The following PIK3R5 variants were observed in gnomAD, a reference collection of about 807,000 sequenced individuals.
The protein encoded by PIK3R5 is phosphoinositide-3-kinase regulatory subunit 5.
PIK3R5 carries 32 observed loss-of-function variants against 94.9 expected under a neutral mutation model. The observed-to-expected ratio is 0.34, with a 90% CI of 0.25 to 0.45. The LOEUF (loss-of-function observed/expected upper bound fraction) is 0.45. Among genes scored for constraint, PIK3R5 ranks in the 20% least tolerant of loss-of-function variants. The pLI is 1.00. For missense variants in PIK3R5, 853 were observed against 1,144.6 expected (o/e 0.75, Z 3.68); for synonymous variants, 443 against 479.4 (o/e 0.92, Z 0.99).
Position 8,909,079 on chromosome 17 carries a change from G to A in PIK3R5, c.199C>T (p.Arg67Ter), listed in dbSNP as rs2090464829. Residue 67 changes from arginine to a stop codon, truncating the protein, a stop_gained, in exon 3 of 19, where the codon CGA becomes TGA. Transcript: ENST00000447110. LOFTEE classifies it high-confidence loss of function. This position sits in a 1 kb window ranked among gnomAD's most constrained non-coding sequence, Gnocchi z 4.3. ...ILLEQILQKT[R>*]EVQEKGTYDL... The stretch of plus-strand genomic sequence containing the variant: ...AATTCCTGACTCCCCCTCACCTCTC[G>A]GGTCTTCTGCAGGATCTGCTCAAGG... 3 of 1,599,008 alleles carry A rather than the reference G, an allele frequency of 1.9e-6. No homozygotes were observed. Among genetic ancestry groups the A allele is most frequent in the Non-Finnish European group, 1.7e-6 (2 of 1,169,644 alleles).
chr17:8,946,761 C>G (rs1433933082), intron 1 of PIK3R5, among the ~76,000 whole-genome samples: 1 of 152,070 alleles, frequency 6.6e-6, no homozygotes, highest in Non-Finnish European at 1.5e-5. Flanking sequence ...GCCTCAGGAC[C>G]TTCGCGCCTG....
At position 8,884,927 on chromosome 17, in the gene PIK3R5, C is replaced by G; in HGVS notation, c.2129-144G>C. ...CCTAGGGATCTGTCTCACCAAGGCCCTGCCTCTCTCTCTGGCTCCACGTTC... is the reference window on the plus strand; with the variant it reads ...CCTAGGGATCTGTCTCACCAAGGCCGTGCCTCTCTCTCTGGCTCCACGTTC... On this transcript the variant is annotated intron_variant, in intron 14 of 18. Coordinates refer to ENST00000447110, the MANE Select transcript of PIK3R5 (RefSeq NM_001142633.3). The surrounding 1 kb of genome is among the most constrained non-coding windows in gnomAD (Gnocchi z 5.8). 1 of 663,584 alleles carries G rather than the reference C, an allele frequency of 1.5e-6. No individual in the cohort carries two copies. The highest frequency in any genetic ancestry group is 1.7e-5 in the South Asian group (1 of 58,662). The allele number at this position is 663,584 out of a possible 1,614,324, so 41.1% of individuals were successfully genotyped here.
At chr17:8,900,396 T>C (rs1405029570) in intron 5 of PIK3R5, among the ~76,000 whole-genome samples, 3 of 152,184 alleles carry the variant, frequency 2.0e-5, no homozygotes, top group Admixed American at 6.5e-5. Context: ...TTTACGTATG[T>C]GTGAGGTTTT....
At chr17:8,957,617 A>G (rs1185664437) in intron 1 of PIK3R5, among the ~76,000 whole-genome samples, 1 of 152,264 alleles carries the variant, frequency 6.6e-6, no homozygotes, top group Non-Finnish European at 1.5e-5. Flanking sequence ...GGATATGCCC[A>G]GTTCAGTGTG....
At chr17:8,931,270 A>C (rs542624838) in intron 1 of PIK3R5, among the ~76,000 whole-genome samples, 214 of 152,294 alleles carry the variant, frequency 1.4e-3, no homozygotes, top group Admixed American at 2.9e-3. Flanking sequence ...AAATAGATTT[A>C]TCTCATAAAA....
At chr17:8,948,337 C>A (rs2091316049) in intron 1 of PIK3R5, among the ~76,000 whole-genome samples, 1 of 152,090 alleles carries the variant, frequency 6.6e-6, no homozygotes, top group Non-Finnish European at 1.5e-5. Flanking sequence ...ATTTAGTCAG[C>A]AGAAAATATG....
chr17:8,946,271 A>G (rs1342554332), intron 1 of PIK3R5, among the ~76,000 whole-genome samples: 3 of 152,044 alleles, frequency 2.0e-5, no homozygotes, highest in Admixed American at 1.3e-4. Context: ...ATCAGGTCAC[A>G]TGCCCAGAAG....
chr17:8,937,384 A>G (rs1349168069), intron 1 of PIK3R5, among the ~76,000 whole-genome samples: 1 of 152,220 alleles, frequency 6.6e-6, no homozygotes, highest in African/African-American at 2.4e-5. Context: ...CGTTTTCTGT[A>G]TAAGTATTTA....
Position 8,904,634 on chromosome 17 carries a change from C to T in PIK3R5, c.412+143G>A, listed in dbSNP as rs1020903822. The T allele has an allele frequency of 1.3e-6, 1 of 744,352 alleles. No individual in the cohort carries two copies. Among genetic ancestry groups the T allele is most frequent in the African/African-American group, 1.7e-5 (1 of 57,440 alleles). 46.1% of individuals were successfully genotyped at this position (744,352 alleles called of 1,614,324 possible). ...GCTTGATGGTGCTGTGAAGAGGAGACTCCATGTTTGTGAACCAAGGCGTTG... is the reference window on the plus strand; with the variant it reads ...GCTTGATGGTGCTGTGAAGAGGAGATTCCATGTTTGTGAACCAAGGCGTTG... On this transcript the variant is annotated intron_variant, in intron 5 of 18. Transcript: ENST00000447110. The surrounding 1 kb of genome is among the most constrained non-coding windows in gnomAD (Gnocchi z 5.1).
chr17:8,914,371 T>C (rs1235804350), intron 1 of PIK3R5, among the ~76,000 whole-genome samples: 5 of 152,074 alleles, frequency 3.3e-5, no homozygotes, highest in African/African-American at 1.2e-4. Context: ...GAGACCCAAT[T>C]CTAGGGACAA....
At position 8,904,293 on chromosome 17, in the gene PIK3R5, T is replaced by G. The variant is rs2090350884; in HGVS notation, c.412+484A>C. On this transcript the variant is annotated intron_variant, in intron 5 of 18. Coordinates refer to ENST00000447110, the MANE Select transcript of PIK3R5 (RefSeq NM_001142633.3). The surrounding 1 kb of genome is among the most constrained non-coding windows in gnomAD (Gnocchi z 5.1). ...CCACACATGAAAACTGAGTCCCGGG[T>G]CTTGTCCACATTTGTCACAGTGGTC... is the stretch of plus-strand genomic sequence containing the variant. Among the ~76,000 whole-genome samples the G allele has an allele frequency of 2.0e-5, 3 of 152,152 alleles. No individual in the cohort carries two copies. Among genetic ancestry groups the G allele is most frequent in the Admixed American group, 6.5e-5 (1 of 15,274 alleles).
intron 2 of PIK3R5, among the ~76,000 whole-genome samples, chr17:8,910,927 T>C (rs918994501): frequency 1.2e-4 from 18 of 152,120 alleles, no homozygotes; most frequent in African/African-American, 3.9e-4. Context: ...CCCTGTTTTT[T>C]AGTCCTGGGA....
chr17:8,954,115 C>T (rs1597435924), intron 1 of PIK3R5, among the ~76,000 whole-genome samples: 1 of 152,190 alleles, frequency 6.6e-6, no homozygotes, highest in Non-Finnish European at 1.5e-5. Flanking sequence ...TTTGTCCTTG[C>T]TTACTCTGAC....
At chr17:8,964,898 C>T (rs933313217) in intron 1 of PIK3R5, among the ~76,000 whole-genome samples, 2 of 152,218 alleles carry the variant, frequency 1.3e-5, no homozygotes, top group Non-Finnish European at 2.9e-5. Context: ...GCTTTAACCT[C>T]GCCTTCCTTT....
At position 8,881,626 on chromosome 17, in the gene PIK3R5, G is replaced by A. The variant is rs752530355; in HGVS notation, c.2382+4C>T. The A allele has an allele frequency of 3.5e-5, 57 of 1,609,142 alleles. No homozygotes were observed. The highest frequency in any genetic ancestry group is 6.7e-5 in the East Asian group (3 of 44,776). On this transcript the variant is annotated splice_donor_region_variant and intron_variant, in intron 17 of 18. Transcript: ENST00000447110. This position sits in a 1 kb window ranked among gnomAD's most constrained non-coding sequence, Gnocchi z 4.8. ...TATGGCTGGAAGGAGAGGGAAGCCC[G>A]TACCTGGTTAAAGCCCTTCTTGGAT...
chr17:8,960,899 T>TGGA lies in PIK3R5; in HGVS notation c.-14+4694_-14+4696dup, dbSNP rs955450846. 8.4e-5 allele frequency among the ~76,000 whole-genome samples: 12 copies of TGGA among 142,630 alleles called. No homozygotes were observed. The East Asian group carries it at 2.6e-3, about 30-fold the overall frequency. 93.6% of individuals were successfully genotyped at this position (142,630 alleles called of 152,430 possible). The stretch of plus-strand genomic sequence containing the variant: ...TGGCAACTTCTGCTGTTGCTGTGCA[T>TGGA]GGACGCCTTGCTTGTGAGATCCCAG... On this transcript the variant is annotated intron_variant, in intron 1 of 18. Transcript: ENST00000447110.
rs1486921255 is a variant in PIK3R5 at position 8,896,112 on chromosome 17, TTGAGCC to T, written c.413-2463_413-2458del. 6.6e-6 allele frequency among the ~76,000 whole-genome samples: 1 copy of T among 152,210 alleles called. No homozygotes were observed. Among genetic ancestry groups the T allele is most frequent in the Non-Finnish European group, 1.5e-5 (1 of 68,038 alleles). On this transcript the variant is annotated intron_variant, in intron 5 of 18. Coordinates refer to ENST00000447110, the MANE Select transcript of PIK3R5 (RefSeq NM_001142633.3). The surrounding 1 kb of genome is among the most constrained non-coding windows in gnomAD (Gnocchi z 4.0). Reference sequence around the variant, plus strand: ...TAAGCTTTTGTACAGACTGACTCCTTTGAGCCTGGCTTAGAGATTGTACTGCCGAGT... The same window carrying T: ...TAAGCTTTTGTACAGACTGACTCCTTTGGCTTAGAGATTGTACTGCCGAGT...
chr17:8,902,846 A>ATTTTTTTTTTTTTTTTTTTTTTT (rs35776068), intron 5 of PIK3R5, among the ~76,000 whole-genome samples: 2 of 140,182 alleles, frequency 1.4e-5, no homozygotes, highest in African/African-American at 5.3e-5. Flanking sequence ...TTTAGATAGA[A>ATTTTTTTTTTTTTTTTTTTTTTT]TTTTTTTTTT....
At position 8,909,220 on chromosome 17, in the gene PIK3R5, G is replaced by T. The variant is rs775623557; in HGVS notation, c.104-46C>A. ...AAGGGGTCAGTTCTGGTGTCTTCCA[G>T]TCACACTCAGGCAGGGGCTGTAAAG... On this transcript the variant is annotated intron_variant, in intron 2 of 18. Transcript: ENST00000447110. This position sits in a 1 kb window ranked among gnomAD's most constrained non-coding sequence, Gnocchi z 4.3. The T allele has an allele frequency of 5.0e-6, 6 of 1,191,454 alleles. No homozygotes were observed. Among genetic ancestry groups the T allele is most frequent in the Admixed American group, 3.9e-5 (2 of 51,528 alleles). The allele number at this position is 1,191,454 out of a possible 1,614,324, so 73.8% of individuals were successfully genotyped here. A position where few individuals can be genotyped will look rare whatever the true frequency, so the allele number is the denominator to read the frequency against.
Sources: allele counts gnomAD v4.1 joint callset (sites outside exome capture counted in the v4.1 genomes callset), GRCh38; gene constraint gnomAD v4.1.1; non-coding constraint Gnocchi (gnomAD v3.1); transcripts MANE v1.5; gene names NCBI Gene and HGNC (gene_info 2026-07-23, HGNC 2026-07-21).